The following NPAS3 variants were observed in gnomAD, a reference collection of about 807,000 sequenced individuals.
The protein encoded by NPAS3 is neuronal PAS domain-containing protein 3.
A neutral mutation model predicts 73.1 loss-of-function variants in NPAS3; 14 were observed. The ratio of observed to expected loss-of-function variants is 0.19; its 90% CI spans 0.13 to 0.30. The LOEUF is 0.30. Among genes scored for constraint, NPAS3 ranks in the 10% least tolerant of loss-of-function variants. NPAS3 has a pLI of 1.00. For synonymous variants in NPAS3, 620 were observed against 541.5 expected, an observed-to-expected ratio of 1.14 and a Z score of -2.01; for missense variants, 1,096 against 1,250.0, an observed-to-expected ratio of 0.88 and a Z score of 1.86.
intron 3 of NPAS3, among the ~76,000 whole-genome samples, chr14:33,268,549 G>A (rs374630240): frequency 6.6e-6 from 1 of 150,614 alleles, no homozygotes; most frequent in South Asian, 2.1e-4. Context: ...TCTTTTTTTT[G>A]CATTCAAATG....
intron 5 of NPAS3, among the ~76,000 whole-genome samples, chr14:33,639,906 T>A (rs998005697): frequency 6.6e-6 from 1 of 152,216 alleles, no homozygotes; most frequent in Non-Finnish European, 1.5e-5. Context: ...ATTGTCTTAC[T>A]GCTTATAATA....
At position 33,277,132 on chromosome 14, in the gene NPAS3, A is replaced by AGT. The variant is rs375794110; in HGVS notation, c.385+61706_385+61707insGT. Among the ~76,000 whole-genome samples, 113 of 152,260 alleles carry AGT rather than the reference A, an allele frequency of 7.4e-4. 1 individual carries two copies. The highest frequency in any genetic ancestry group is 2.7e-3 in the African/African-American group (112 of 41,564). ...ATAGTGTTCCAAGTATTTTTCTCTT[A>AGT]CAAAGAAAATCCAGAAACACAAAAA... On this transcript the variant is annotated intron_variant, in intron 3 of 11. Coordinates refer to ENST00000356141, the Ensembl canonical transcript of NPAS3.
chr14:33,732,523 C>T (rs1384919451), intron 6 of NPAS3, among the ~76,000 whole-genome samples: 2 of 152,140 alleles, frequency 1.3e-5, no homozygotes, highest in Admixed American at 6.5e-5. Context: ...TTATAATAAA[C>T]GTGGCTCCTT....
At chr14:33,098,845 T>C (rs2042498118) in intron 2 of NPAS3, among the ~76,000 whole-genome samples, 1 of 152,224 alleles carries the variant, frequency 6.6e-6, no homozygotes, top group Admixed American at 6.5e-5. Flanking sequence ...TGGTGGGATA[T>C]GAAAACTGCT....
At chr14:32,989,637 G>T (rs145352638) in intron 1 of NPAS3, among the ~76,000 whole-genome samples, 1 of 150,682 alleles carries the variant, frequency 6.6e-6, no homozygotes, top group African/African-American at 2.5e-5. Flanking sequence ...AGCGAGACTC[G>T]GTCTCAAACA....
At chr14:33,477,710 C>T (rs747344202) in intron 4 of NPAS3, among the ~76,000 whole-genome samples, 1 of 152,174 alleles carries the variant, frequency 6.6e-6, no homozygotes, top group Non-Finnish European at 1.5e-5. Flanking sequence ...TTGCCCCTTA[C>T]AGCCCTTCAA....
intron 3 of NPAS3, among the ~76,000 whole-genome samples, chr14:33,242,332 G>T (rs1485285315): frequency 6.6e-6 from 1 of 152,012 alleles, no homozygotes; most frequent in African/African-American, 2.4e-5. Flanking sequence ...ATAAAAGTCA[G>T]GAAGCCATGG....
chr14:33,403,879 C>G (rs1448542155), intron 4 of NPAS3, among the ~76,000 whole-genome samples: 1 of 152,010 alleles, frequency 6.6e-6, no homozygotes, highest in East Asian at 1.9e-4. Flanking sequence ...TTTGATTTCT[C>G]TCATCATCAA....
chr14:33,291,239 G>A (rs1013144440), intron 3 of NPAS3, among the ~76,000 whole-genome samples: 8 of 152,158 alleles, frequency 5.3e-5, no homozygotes, highest in Non-Finnish European at 1.0e-4. Flanking sequence ...AACAGATGAG[G>A]ATGCTGTTAA....
At chr14:33,152,056 A>G (rs960469697) in intron 2 of NPAS3, among the ~76,000 whole-genome samples, 1 of 152,022 alleles carries the variant, frequency 6.6e-6, no homozygotes, top group Non-Finnish European at 1.5e-5. Flanking sequence ...ACATTTGTCA[A>G]TATCTGGAGA....
At chr14:33,634,993 A>G (rs1006767025) in intron 5 of NPAS3, among the ~76,000 whole-genome samples, 1 of 152,202 alleles carries the variant, frequency 6.6e-6, no homozygotes, top group African/African-American at 2.4e-5. Context: ...GCCCTCTAAG[A>G]GATTCTGATA....
intron 1 of NPAS3, among the ~76,000 whole-genome samples, chr14:33,016,586 T>G (rs1215529475): frequency 7.1e-6 from 1 of 140,746 alleles, no homozygotes. Flanking sequence ...AAAAAAGATT[T>G]AAAGTTGTGT....
intron 3 of NPAS3, among the ~76,000 whole-genome samples, chr14:33,281,878 A>G (rs1418717886): frequency 1.3e-5 from 2 of 152,190 alleles, no homozygotes; most frequent in Non-Finnish European, 2.9e-5. Flanking sequence ...AAACTTTGAC[A>G]GTTACAGAAT....
At position 33,166,317 on chromosome 14, in the gene NPAS3, T is replaced by G. The variant is rs573830233; in HGVS notation, c.141-48865T>G. On this transcript the variant is annotated intron_variant, in intron 2 of 11. Coordinates refer to ENST00000356141, the Ensembl canonical transcript of NPAS3. The stretch of plus-strand genomic sequence containing the variant: ...CGTTCCTGACCCCAGCAGCAGAGAT[T>G]GCATCCTTCTGCCAACTCAGATGGT... Among the ~76,000 whole-genome samples, 9 of 152,332 alleles carry G rather than the reference T, an allele frequency of 5.9e-5. No individual in the cohort carries two copies. In the East Asian group the frequency reaches 1.5e-3, roughly 26 times the overall value.
At chr14:33,387,113 C>T (rs1172622315) in intron 4 of NPAS3, among the ~76,000 whole-genome samples, 1 of 152,178 alleles carries the variant, frequency 6.6e-6, no homozygotes, top group Non-Finnish European at 1.5e-5. Context: ...CAAGTTAGGA[C>T]AGGGGCCTTC....
At chr14:33,182,294 G>A (rs1252632417) in intron 2 of NPAS3, among the ~76,000 whole-genome samples, 1 of 152,118 alleles carries the variant, frequency 6.6e-6, no homozygotes. Flanking sequence ...AACAAACATA[G>A]TAGTATGAAA....
intron 3 of NPAS3, among the ~76,000 whole-genome samples, chr14:33,263,146 G>A (rs1489808055): frequency 6.6e-6 from 1 of 152,092 alleles, no homozygotes; most frequent in African/African-American, 2.4e-5. Context: ...TGTCAATTTT[G>A]GCTTTTGTTG....
At chr14:33,164,147 T>C (rs768700355) in intron 2 of NPAS3, among the ~76,000 whole-genome samples, 2 of 152,232 alleles carry the variant, frequency 1.3e-5, no homozygotes, top group African/African-American at 2.4e-5. Flanking sequence ...TTCTCTGATA[T>C]GTCTTTTAAA....
chr14:32,953,733 C>G (rs1473707192), intron 1 of NPAS3, among the ~76,000 whole-genome samples: 1 of 152,108 alleles, frequency 6.6e-6, no homozygotes, highest in Non-Finnish European at 1.5e-5. Context: ...ATCTGAGCCC[C>G]AGTTCCCACA....
Sources: gnomAD v4.1 joint callset for allele counts (sites outside exome capture counted in the v4.1 genomes callset) on GRCh38, gnomAD v4.1.1 for gene constraint, MANE v1.5 for transcripts, NCBI Gene and HGNC (gene_info 2026-07-23, HGNC 2026-07-21) for gene names.